Variants in RAD51C observed in about 807,000 individuals in gnomAD.
RAD51C encodes the protein DNA repair protein RAD51 homolog 3.
RAD51C carries 42 observed loss-of-function variants against 45.0 expected under a neutral mutation model. The observed-to-expected ratio is 0.93, with a 90% CI of 0.73 to 1.21. The LOEUF (loss-of-function observed/expected upper bound fraction) is 1.21, where lower values mean the gene tolerates loss of function less well. RAD51C is among the 50% of genes most tolerant of loss of function. The pLI is 0.00. For missense variants in RAD51C, 474 were observed against 452.2 expected (o/e 1.05, Z -0.44); for synonymous variants, 172 against 159.8 (o/e 1.08, Z -0.58).
chr17:58,720,589 C>T (rs1259783937), intron 5 of RAD51C, among the ~76,000 whole-genome samples, 157 bp from the exon 6 acceptor site: 1 of 152,014 alleles, frequency 6.6e-6, no homozygotes, highest in Non-Finnish European at 1.5e-5. Context: ...TCTCCTGCCT[C>T]AGCCTCCGGA....
intron 3 of RAD51C, 113 bp from the exon 4 acceptor site, chr17:58,703,083 A>G (rs1451697982): frequency 1.7e-6 from 2 of 1,183,950 alleles, no homozygotes; most frequent in Non-Finnish European, 1.2e-6. Context: ...TCTTTCAGTT[A>G]AAGAATTTTG....
At position 58,693,486 on chromosome 17, in the gene RAD51C, T is replaced by G. The variant is rs2143697188; in HGVS notation, c.145+698T>G. ...GAAGAAGATGGAACAGAATTTTAAG[T>G]TACTGCCCTTACTGATGGAAAATAC... On this transcript the variant is annotated intron_variant, in intron 1 of 8. Transcript: ENST00000337432. The G allele has an allele frequency of 6.6e-6, 1 of 152,566 alleles. No individual in the cohort carries two copies. The highest frequency in any genetic ancestry group is 1.9e-4 in the East Asian group (1 of 5,188). The allele number at this position is 152,566 out of a possible 1,614,324, so 9.5% of individuals were successfully genotyped here.
At chr17:58,703,379 T>C in intron 4 of RAD51C, 50 bp downstream of exon 4, 1 of 1,570,848 alleles carries the variant, frequency 6.4e-7, no homozygotes, top group Non-Finnish European at 8.7e-7. Flanking sequence ...TTTTGAGGTG[T>C]TTGATAAGCA....
intron 1 of RAD51C, chr17:58,693,437 A>G (rs1010741127): frequency 2.6e-5 from 4 of 155,828 alleles, no homozygotes; most frequent in Admixed American, 1.2e-4. Flanking sequence ...TCTCTATGAC[A>G]TGTCTGGACC....
At chr17:58,698,438 C>A (rs2048096833) in intron 3 of RAD51C, among the ~76,000 whole-genome samples, 2 of 151,694 alleles carry the variant, frequency 1.3e-5, no homozygotes, top group African/African-American at 4.8e-5. Flanking sequence ...CCTGCCTTGG[C>A]CTCCCAAAGT....
chr17:58,733,104 C>G (rs530845140), intron 8 of RAD51C, among the ~76,000 whole-genome samples: 2 of 152,022 alleles, frequency 1.3e-5, no homozygotes, highest in South Asian at 4.2e-4. Context: ...CAGCCTCCGC[C>G]CTACTGGTTT....
At chr17:58,699,843 C>T (rs1200118184) in intron 3 of RAD51C, 1 of 151,988 alleles carries the variant, frequency 6.6e-6, no homozygotes, top group African/African-American at 2.4e-5. Flanking sequence ...ACCTTCGGGA[C>T]GATAAGCTCA....
At chr17:58,730,405 C>T (rs977429637) in intron 7 of RAD51C, among the ~76,000 whole-genome samples, 1 of 151,328 alleles carries the variant, frequency 6.6e-6, no homozygotes, top group Admixed American at 6.6e-5. Flanking sequence ...TCTTGAACTC[C>T]TGACCTCGTG....
chr17:58,720,174 G>A (rs2048866611), intron 5 of RAD51C, among the ~76,000 whole-genome samples: 1 of 151,062 alleles, frequency 6.6e-6, no homozygotes, highest in Non-Finnish European at 1.5e-5. Context: ...AGCACTTTGG[G>A]AGGCCAAGGC....
At chr17:58,709,552 G>A (rs537975847) in intron 4 of RAD51C, 6 of 239,194 alleles carry the variant, frequency 2.5e-5, no homozygotes, top group South Asian at 2.3e-4. Flanking sequence ...AATGGACTAT[G>A]GTTTTTCCAA....
At chr17:58,730,266 G>A (rs921306513) in intron 7 of RAD51C, among the ~76,000 whole-genome samples, 17 of 149,268 alleles carry the variant, frequency 1.1e-4, no homozygotes, top group African/African-American at 4.2e-4. Context: ...CCCAGTTCAA[G>A]TGATTCTCCT....
At chr17:58,720,647 A>G in intron 5 of RAD51C, 99 bp from the exon 6 acceptor site, 1 of 877,526 alleles carries the variant, frequency 1.1e-6, no homozygotes. Context: ...TAATTTTTGT[A>G]TTTTTAGTAG....
Position 58,692,788 on chromosome 17 carries a change from G to A in RAD51C, c.145G>A (p.Glu49Lys), listed in dbSNP as rs753709131. 6.2e-7 allele frequency: 1 copy of A among 1,614,218 alleles called. No homozygotes were observed. The highest frequency in any genetic ancestry group is 2.2e-5 in the East Asian group (1 of 44,884). ...GGTGAAACCCTCCGAGCTTAGCAAA[G>A]GTAACGACTCCTGATGGCAAGCTGA... The part of the protein sequence containing the change: ...LEVKPSELSK[E>K]VGISKAEALE... The change falls in exon 1 of 9, where the codon GAA (glutamate) becomes AAA (lysine). Residue 49 changes from glutamate to lysine, a missense_variant and splice_region_variant. Transcript: ENST00000337432.
intron 7 of RAD51C, among the ~76,000 whole-genome samples, chr17:58,725,544 C>G (rs575339973): frequency 6.6e-6 from 1 of 152,114 alleles, no homozygotes; most frequent in South Asian, 2.1e-4. Flanking sequence ...GATATTTCAT[C>G]TTTTTATGAA....
At chr17:58,693,057 C>T (rs1598450827) in intron 1 of RAD51C, 1 of 482,058 alleles carries the variant, frequency 2.1e-6, no homozygotes, top group Non-Finnish European at 3.8e-6. Flanking sequence ...ACCCTCAACC[C>T]GCTTACGTAG....
intron 5 of RAD51C, among the ~76,000 whole-genome samples, chr17:58,714,701 C>T (rs1385233011): frequency 6.6e-6 from 1 of 152,176 alleles, no homozygotes; most frequent in African/African-American, 2.4e-5. Context: ...TCGTGATCCA[C>T]CCGCCTCAGC....
chr17:58,718,152 A>G (rs1350779899), intron 5 of RAD51C, among the ~76,000 whole-genome samples: 4 of 152,022 alleles, frequency 2.6e-5, no homozygotes, highest in East Asian at 1.9e-4. Context: ...GCCCGCCCCA[A>G]CGTTCGGCTA....
At chr17:58,703,366 A>G in intron 4 of RAD51C, 37 bp downstream of exon 4, 3 of 1,591,118 alleles carry the variant, frequency 1.9e-6, no homozygotes, top group Non-Finnish European at 2.6e-6. Flanking sequence ...CTAACCAAGT[A>G]TTTTTTGAGG....
chr17:58,733,744 A>T (rs1271749159), intron 8 of RAD51C, among the ~76,000 whole-genome samples: 1 of 152,136 alleles, frequency 6.6e-6, no homozygotes, highest in Non-Finnish European at 1.5e-5. Context: ...TTTGAGACGA[A>T]GTCTCACTAT....
Sources: allele counts gnomAD v4.1 joint callset (sites outside exome capture counted in the v4.1 genomes callset), GRCh38; gene constraint gnomAD v4.1.1; transcripts MANE v1.5; gene names NCBI Gene and HGNC (gene_info 2026-07-23, HGNC 2026-07-21).